The following HPSE2 variants were observed in gnomAD, a reference collection of about 807,000 sequenced individuals.
HPSE2 encodes heparanase 2 (inactive).
HPSE2 carries 38 observed loss-of-function variants against 60.5 expected under a neutral mutation model. The observed-to-expected ratio is 0.63, with a 90% CI of 0.48 to 0.82. HPSE2 has a LOEUF of 0.82. Ranked by LOEUF, HPSE2 falls within the 40% of genes least tolerant of loss-of-function variation. The probability of loss-of-function intolerance (pLI) is 0.00; values close to 1 mark genes in which losing one functional copy is unlikely to be tolerated. For synonymous variants in HPSE2, 295 were observed against 293.2 expected (o/e 1.01, Z -0.06); for missense variants, 713 against 740.4 (o/e 0.96, Z 0.43).
At chr10:98,904,635 G>A (rs1258457036) in intron 3 of HPSE2, among the ~76,000 whole-genome samples, 1 of 152,150 alleles carries the variant, frequency 6.6e-6, no homozygotes, top group African/African-American at 2.4e-5. Flanking sequence ...GATAAAAACA[G>A]TCTGTTTTCT....
chr10:98,609,719 C>T (rs1349820966), intron 9 of HPSE2, among the ~76,000 whole-genome samples: 1 of 151,818 alleles, frequency 6.6e-6, no homozygotes, highest in African/African-American at 2.4e-5. Flanking sequence ...AACTGGAATA[C>T]CAAGATACAC....
At chr10:98,603,786 C>T (rs960455123) in intron 9 of HPSE2, among the ~76,000 whole-genome samples, 13 of 151,954 alleles carry the variant, frequency 8.6e-5, no homozygotes, top group Admixed American at 7.9e-4. Flanking sequence ...CTAATAATAC[C>T]CTGTTGGGGT....
At chr10:99,147,645 C>T (rs2805376) in intron 2 of HPSE2, among the ~76,000 whole-genome samples, 128,114 of 152,098 alleles carry the variant, frequency 0.84, 55,021 homozygotes, top group South Asian at 0.97. Context: ...CAAACGTATG[C>T]CCTAAACTTT....
At chr10:98,847,719 T>C (rs1024937117) in intron 3 of HPSE2, among the ~76,000 whole-genome samples, 45 of 152,340 alleles carry the variant, frequency 3.0e-4, no homozygotes, top group African/African-American at 1.0e-3. Flanking sequence ...ATGTATGATA[T>C]GTGATCTACT....
chr10:98,519,585 G>A (rs1942718764), intron 9 of HPSE2, among the ~76,000 whole-genome samples: 3 of 152,250 alleles, frequency 2.0e-5, no homozygotes, highest in African/African-American at 7.2e-5. Context: ...TGCAGAAGCT[G>A]AGCCAGTGGA....
chr10:98,640,505 A>G (rs566671065), intron 7 of HPSE2, among the ~76,000 whole-genome samples: 1 of 152,338 alleles, frequency 6.6e-6, no homozygotes, highest in Admixed American at 6.5e-5. Context: ...ATTGGGATGA[A>G]TACAAAAAAG....
chr10:98,681,693 C>T (rs761740766), intron 6 of HPSE2, among the ~76,000 whole-genome samples: 10 of 152,094 alleles, frequency 6.6e-5, no homozygotes, highest in Non-Finnish European at 1.3e-4. Context: ...TATTCTTAAA[C>T]CAACCAAAAT....
intron 3 of HPSE2, among the ~76,000 whole-genome samples, chr10:99,038,287 G>A (rs1445476795): frequency 6.6e-6 from 1 of 152,072 alleles, no homozygotes; most frequent in Non-Finnish European, 1.5e-5. Context: ...ACAGGTGAAT[G>A]GTTAAACAAA....
intron 3 of HPSE2, among the ~76,000 whole-genome samples, chr10:98,756,565 G>C (rs933304423): frequency 1.9e-4 from 29 of 151,880 alleles, no homozygotes; most frequent in African/African-American, 6.5e-4. Flanking sequence ...ACACAAACTA[G>C]GAAACCTAAC....
chr10:99,048,006 C>A (rs756468884), intron 3 of HPSE2: 2 of 694,004 alleles, frequency 2.9e-6, no homozygotes, highest in Non-Finnish European at 5.2e-6. Flanking sequence ...GAAACCTTTG[C>A]GAAGCTCAAC....
chr10:98,561,905 C>T (rs941560770), intron 9 of HPSE2, among the ~76,000 whole-genome samples: 1 of 152,052 alleles, frequency 6.6e-6, no homozygotes, highest in African/African-American at 2.4e-5. Flanking sequence ...TTTTAAATAA[C>T]TTTAGTGTAG....
chr10:98,955,578 C>T (rs1263136364), intron 3 of HPSE2, among the ~76,000 whole-genome samples: 2 of 152,072 alleles, frequency 1.3e-5, no homozygotes, highest in Non-Finnish European at 1.5e-5. Context: ...ATCAGAAATA[C>T]CATTTGACCC....
At chr10:99,284,739 A>G in the HPSE2 span, among the ~76,000 whole-genome samples, 2 of 152,212 alleles carry the variant, frequency 1.3e-5, no homozygotes. Flanking sequence ...GGTTTGTTAC[A>G]TAGGTAAACT....
intron 9 of HPSE2, among the ~76,000 whole-genome samples, chr10:98,540,688 T>C (rs1943431172): frequency 6.6e-6 from 1 of 152,216 alleles, no homozygotes; most frequent in African/African-American, 2.4e-5. Flanking sequence ...GCTTGCTCTC[T>C]GGAAATATAG....
chr10:99,315,873 G>C, the HPSE2 span, among the ~76,000 whole-genome samples: 1 of 152,136 alleles, frequency 6.6e-6, no homozygotes, highest in Non-Finnish European at 1.5e-5. Flanking sequence ...ATATTTTCTT[G>C]GGATAGTCCC....
chr10:99,098,468 T>C (rs1277826040), intron 3 of HPSE2, among the ~76,000 whole-genome samples: 1 of 152,224 alleles, frequency 6.6e-6, no homozygotes, highest in East Asian at 1.9e-4. Context: ...TCCATTGCTT[T>C]TAGCCTTCTT....
chr10:99,179,019 C>G (rs896245771), intron 2 of HPSE2, among the ~76,000 whole-genome samples: 5 of 152,064 alleles, frequency 3.3e-5, no homozygotes, highest in African/African-American at 4.8e-5. Context: ...AGACAAAAAC[C>G]ACATAATTAT....
chr10:99,088,325 T>G (rs535749691), intron 3 of HPSE2, among the ~76,000 whole-genome samples: 1 of 152,286 alleles, frequency 6.6e-6, no homozygotes, highest in African/African-American at 2.4e-5. Flanking sequence ...CAGTATACAT[T>G]GTAGCCAATG....
chr10:98,926,037 A>G (rs1038711798), intron 3 of HPSE2, among the ~76,000 whole-genome samples: 2 of 152,110 alleles, frequency 1.3e-5, no homozygotes, highest in African/African-American at 4.8e-5. Flanking sequence ...AATAGGGGAA[A>G]GTATATTTAC....
Sources: allele counts gnomAD v4.1 joint callset (sites outside exome capture counted in the v4.1 genomes callset), GRCh38; gene constraint gnomAD v4.1.1; transcripts MANE v1.5; gene names NCBI Gene and HGNC (gene_info 2026-07-23, HGNC 2026-07-21).